TCF7L2: variants seen among roughly 807,000 people sequenced by gnomAD.
TCF7L2 encodes transcription factor 7 like 2.
Under a neutral mutation model 77.9 loss-of-function variants are expected in TCF7L2, and 23 were observed. That is an observed-to-expected ratio of 0.30 (90% CI 0.21 to 0.42). The LOEUF (loss-of-function observed/expected upper bound fraction) is 0.42. Among genes scored for constraint, TCF7L2 ranks in the 10% least tolerant of loss-of-function variants. TCF7L2 has a pLI of 1.00. For missense variants in TCF7L2, 654 were observed against 793.1 expected, an observed-to-expected ratio of 0.82 and a Z score of 2.11; for synonymous variants, 413 against 340.2, an observed-to-expected ratio of 1.21 and a Z score of -2.36.
chr10:113,133,570 G>C (rs1381179630), intron 5 of TCF7L2, among the ~76,000 whole-genome samples: 2 of 152,224 alleles, frequency 1.3e-5, no homozygotes, highest in Middle Eastern at 3.2e-3. Flanking sequence ...AAGTGATCGA[G>C]TTAGTTCTAG....
intron 5 of TCF7L2, among the ~76,000 whole-genome samples, chr10:113,136,689 G>A (rs1476901663): frequency 2.0e-5 from 3 of 152,196 alleles, no homozygotes; most frequent in African/African-American, 4.8e-5. Context: ...AGAGATAAAA[G>A]GGGGAGGGAA....
chr10:113,108,143 A>G (rs1177750927), intron 5 of TCF7L2, among the ~76,000 whole-genome samples: 2 of 152,090 alleles, frequency 1.3e-5, no homozygotes, highest in South Asian at 4.1e-4. Flanking sequence ...TCCCGTTTTT[A>G]TGCAAATGTT....
intron 5 of TCF7L2, among the ~76,000 whole-genome samples, chr10:113,048,685 G>A (rs2053868788): frequency 6.6e-6 from 1 of 152,170 alleles, no homozygotes; most frequent in Admixed American, 6.5e-5. Context: ...AATTGCCACA[G>A]CAGCATTTAT....
intron 5 of TCF7L2, among the ~76,000 whole-genome samples, chr10:113,061,732 G>C (rs2056477512): frequency 6.6e-6 from 1 of 152,130 alleles, no homozygotes; most frequent in Non-Finnish European, 1.5e-5. Context: ...TCCTCCCCTG[G>C]AACTGTACAG....
chr10:113,124,906 C>T (rs2065335290), intron 5 of TCF7L2, among the ~76,000 whole-genome samples: 1 of 151,948 alleles, frequency 6.6e-6, no homozygotes, highest in African/African-American at 2.4e-5. Context: ...TTCCGAATGG[C>T]GATTTGGGAT....
rs2030705311 is a variant in TCF7L2, at chr10:112,950,636, T to C, written c.-121T>C. The C allele has an allele frequency of 1.7e-6, 2 of 1,147,142 alleles. No individual in the cohort carries two copies. Among genetic ancestry groups the C allele is most frequent in the Non-Finnish European group, 1.2e-6 (1 of 843,914 alleles). The allele number at this position is 1,147,142 out of a possible 1,614,324, so 71.1% of individuals were successfully genotyped here. On this transcript the variant is annotated 5_prime_UTR_variant, in exon 1 of 14. Transcript: ENST00000627217. ...CCCCCAAGCAGAAAAAAGTTCACCT[T>C]GGACTCGTCTTTTTCTTGCAATATT...
chr10:113,116,635 T>C (rs2063763480), intron 5 of TCF7L2, among the ~76,000 whole-genome samples: 1 of 152,162 alleles, frequency 6.6e-6, no homozygotes, highest in Admixed American at 6.5e-5. Context: ...ACATTTCTTT[T>C]TTTGCTGCTT....
chr10:113,038,651 A>G (rs1168939316), intron 4 of TCF7L2, among the ~76,000 whole-genome samples: 2 of 152,084 alleles, frequency 1.3e-5, no homozygotes, highest in Non-Finnish European at 2.9e-5. Context: ...CTGACCATCA[A>G]GACCTAACTC....
chr10:113,126,561 C>A, intron 5 of TCF7L2: 1 of 984,810 alleles, frequency 1.0e-6, no homozygotes, highest in Non-Finnish European at 1.2e-6. Context: ...GAAAGCCCTG[C>A]CTTTTTTTTT....
At chr10:113,146,694 T>A (rs2069494447) in intron 8 of TCF7L2, among the ~76,000 whole-genome samples, 1 of 152,002 alleles carries the variant, frequency 6.6e-6, no homozygotes, top group Admixed American at 6.6e-5. Flanking sequence ...ATAGCCAAAA[T>A]ATTATCATTT....
At chr10:113,017,446 C>T (rs2047536212) in intron 4 of TCF7L2, among the ~76,000 whole-genome samples, 1 of 152,254 alleles carries the variant, frequency 6.6e-6, no homozygotes, top group African/African-American at 2.4e-5. Flanking sequence ...TTCACCTGCC[C>T]ATGCCGTCTT....
intron 5 of TCF7L2, among the ~76,000 whole-genome samples, chr10:113,079,755 A>T (rs1564865545): frequency 6.6e-6 from 1 of 152,008 alleles, no homozygotes; most frequent in Non-Finnish European, 1.5e-5. Flanking sequence ...CCTCTCGGGT[A>T]CAAGCGATTT....
intron 4 of TCF7L2, among the ~76,000 whole-genome samples, chr10:113,000,702 A>T (rs978780350): frequency 1.3e-5 from 2 of 152,092 alleles, no homozygotes; most frequent in Non-Finnish European, 2.9e-5. Context: ...ACGGGCCCGG[A>T]GGGGAGGGCA....
At chr10:113,085,899 G>T (rs1054025592) in intron 5 of TCF7L2, among the ~76,000 whole-genome samples, 1 of 152,194 alleles carries the variant, frequency 6.6e-6, no homozygotes, top group African/African-American at 2.4e-5. Context: ...CTACTTTCTG[G>T]ATCTGGTGCA....
At chr10:112,976,752 T>A (rs1222092637) in intron 4 of TCF7L2, among the ~76,000 whole-genome samples, 2 of 152,210 alleles carry the variant, frequency 1.3e-5, no homozygotes, top group African/African-American at 2.4e-5. Flanking sequence ...AGCCAGGTAG[T>A]TTGAGATGAG....
chr10:113,116,253 A>G (rs1190176672), intron 5 of TCF7L2, among the ~76,000 whole-genome samples: 1 of 152,062 alleles, frequency 6.6e-6, no homozygotes, highest in African/African-American at 2.4e-5. Flanking sequence ...GCCAGTTTGA[A>G]CTTGTGTTTG....
rs373232877 is a variant in TCF7L2, at chr10:113,014,149, A to G, written c.451-25876A>G. ...TCCTTATTAAGAAGGGTGGTTAGAC[A>G]GGGAATGGGTTAGTTCCCAGGTCGG... On this transcript the variant is annotated intron_variant, in intron 4 of 13. Coordinates refer to ENST00000627217, the MANE Select transcript of TCF7L2 (RefSeq NM_001146274.2). 1.2e-4 allele frequency among the ~76,000 whole-genome samples: 18 copies of G among 152,354 alleles called. No individual in the cohort carries two copies. In the East Asian group the frequency reaches 2.3e-3, roughly 20 times the overall value.
intron 5 of TCF7L2, among the ~76,000 whole-genome samples, chr10:113,139,646 C>T (rs1387571699): frequency 6.6e-6 from 1 of 152,198 alleles, no homozygotes; most frequent in Non-Finnish European, 1.5e-5. Context: ...GAAACGTTGA[C>T]TTCTTTTTCT....
chr10:113,074,469 C>G (rs1234714489), intron 5 of TCF7L2, among the ~76,000 whole-genome samples: 1 of 152,136 alleles, frequency 6.6e-6, no homozygotes, highest in Admixed American at 6.5e-5. Flanking sequence ...ACATATTAAT[C>G]TTGCTAATGT....
Sources: gnomAD v4.1 joint callset for allele counts (sites outside exome capture counted in the v4.1 genomes callset) on GRCh38, gnomAD v4.1.1 for gene constraint, MANE v1.5 for transcripts, NCBI Gene and HGNC (gene_info 2026-07-23, HGNC 2026-07-21) for gene names.